MAP4K4: variants seen among roughly 807,000 people sequenced by gnomAD.
MAP4K4 encodes mitogen-activated protein kinase kinase kinase kinase 4.
Under a neutral mutation model 189.6 loss-of-function variants are expected in MAP4K4, and 38 were observed. The ratio of observed to expected loss-of-function variants is 0.20; its 90% CI spans 0.15 to 0.26. The LOEUF is 0.26. MAP4K4 is among the 10% of genes least tolerant of loss of function. The pLI is 1.00. For synonymous variants in MAP4K4, 610 were observed against 624.3 expected, an observed-to-expected ratio of 0.98 and a Z score of 0.34; for missense variants, 1,054 against 1,726.9, an observed-to-expected ratio of 0.61 and a Z score of 6.91.
chr2:101,827,708 G>T (rs1310299394), intron 5 of MAP4K4, among the ~76,000 whole-genome samples: 4 of 152,196 alleles, frequency 2.6e-5, no homozygotes, highest in Non-Finnish European at 5.9e-5. Flanking sequence ...CAGCAGGCCA[G>T]CGTGTTCTTT....
intron 32 of MAP4K4, among the ~76,000 whole-genome samples, chr2:101,889,414 T>G (rs968627864): frequency 2.0e-5 from 3 of 152,202 alleles, no homozygotes; most frequent in African/African-American, 7.2e-5. Flanking sequence ...AATCATCTTA[T>G]GCAGACATAA....
chr2:101,729,179 C>T (rs2057262873), intron 2 of MAP4K4, among the ~76,000 whole-genome samples: 3 of 151,422 alleles, frequency 2.0e-5, no homozygotes, highest in Non-Finnish European at 2.9e-5. Flanking sequence ...AAGGCCTTCC[C>T]TGGAAATCTG....
intron 3 of MAP4K4, among the ~76,000 whole-genome samples, chr2:101,794,798 C>T (rs915451063): frequency 6.6e-6 from 1 of 151,972 alleles, no homozygotes; most frequent in Non-Finnish European, 1.5e-5. Context: ...CTTTACTTTC[C>T]TGCCTCCATT....
chr2:101,772,024 G>C (rs1188262817), intron 2 of MAP4K4, among the ~76,000 whole-genome samples: 1 of 152,194 alleles, frequency 6.6e-6, no homozygotes, highest in East Asian at 1.9e-4. Context: ...GCCTGGCAAG[G>C]CCAGGCCTCT....
intron 2 of MAP4K4, among the ~76,000 whole-genome samples, chr2:101,759,794 C>T (rs1384552817): frequency 9.3e-6 from 1 of 107,998 alleles, no homozygotes; most frequent in Admixed American, 9.8e-5. Context: ...CCTCCCTTCT[C>T]CCTTCCCTTC....
At chr2:101,890,737 G>A (rs1001932406) in intron 32 of MAP4K4, among the ~76,000 whole-genome samples, 2 of 151,894 alleles carry the variant, frequency 1.3e-5, no homozygotes, top group African/African-American at 2.4e-5. Flanking sequence ...TTACAGGCAT[G>A]AGCCACCATG....
rs186346724 is a variant in MAP4K4, at chr2:101,870,982, C to G, written c.2761-512C>G. 4.5e-3 allele frequency among the ~76,000 whole-genome samples: 683 copies of G among 152,280 alleles called. 5 individuals are homozygous for G. The highest frequency in any genetic ancestry group is 0.015 in the African/African-American group (643 of 41,562). ...GATATGCTCAGTTTGGATCACTAAGCTTTATAACTGTCTGTTCATTTCTTA... is the reference window on the plus strand; with the variant it reads ...GATATGCTCAGTTTGGATCACTAAGGTTTATAACTGTCTGTTCATTTCTTA... On this transcript the variant is annotated intron_variant, in intron 23 of 32. Coordinates refer to ENST00000324219, the Ensembl canonical transcript of MAP4K4.
chr2:101,811,586 C>T (rs907170273), intron 3 of MAP4K4, among the ~76,000 whole-genome samples: 3 of 152,060 alleles, frequency 2.0e-5, no homozygotes, highest in African/African-American at 2.4e-5. Flanking sequence ...CTGTGCTCTG[C>T]CTGCCTCTGT....
At chr2:101,707,703 T>G (rs1013455325) in intron 2 of MAP4K4, among the ~76,000 whole-genome samples, 1 of 126,598 alleles carries the variant, frequency 7.9e-6, no homozygotes, top group Non-Finnish European at 1.8e-5. Context: ...GTTTTTTTTT[T>G]TTTTTGAGAC....
At chr2:101,844,834 C>T (rs1487220211) in intron 12 of MAP4K4, among the ~76,000 whole-genome samples, 2 of 151,800 alleles carry the variant, frequency 1.3e-5, no homozygotes, top group African/African-American at 2.4e-5. Flanking sequence ...GGGCTTAATA[C>T]CTAGGTGACG....
chr2:101,842,024 G>A (rs2096934361), intron 10 of MAP4K4, among the ~76,000 whole-genome samples: 1 of 152,138 alleles, frequency 6.6e-6, no homozygotes, highest in South Asian at 2.1e-4. Context: ...GCAAATTTTA[G>A]TCTCATTCTT....
intron 2 of MAP4K4, among the ~76,000 whole-genome samples, chr2:101,764,462 C>A (rs2077745429): frequency 6.6e-6 from 1 of 152,190 alleles, no homozygotes; most frequent in Admixed American, 6.5e-5. Flanking sequence ...CTGCCTACCT[C>A]TTTGAGGTTG....
intron 3 of MAP4K4, among the ~76,000 whole-genome samples, chr2:101,815,961 C>T (rs573810890): frequency 1.3e-5 from 2 of 152,256 alleles, no homozygotes; most frequent in African/African-American, 2.4e-5. Context: ...ATTGCTTGCT[C>T]TCTGTGCAGC....
chr2:101,702,773 G>A (rs2039694436), intron 2 of MAP4K4, among the ~76,000 whole-genome samples: 1 of 152,178 alleles, frequency 6.6e-6, no homozygotes, highest in Non-Finnish European at 1.5e-5. Flanking sequence ...TGTCATTGGA[G>A]GAAGGGTACA....
rs2096691213 is a variant in MAP4K4 at position 101,834,644 on chromosome 2, CTATTCCTTTTGAATATCT to C, written c.694+182_694+199del. Among the ~76,000 whole-genome samples, 4 of 152,324 alleles carry C rather than the reference CTATTCCTTTTGAATATCT, an allele frequency of 2.6e-5. No homozygotes were observed. The South Asian group carries it at 8.3e-4, about 32-fold the overall frequency. On this transcript the variant is annotated intron_variant, in intron 8 of 32. Transcript: ENST00000324219. ...AAGGAATTCTTGGCAACCACTATTA[CTATTCCTTTTGAATATCT>C]CTAGGAGGCCTATAGGCTACATTTT...
intron 2 of MAP4K4, among the ~76,000 whole-genome samples, chr2:101,741,443 C>T (rs1435785655): frequency 1.3e-5 from 2 of 152,110 alleles, no homozygotes; most frequent in African/African-American, 2.4e-5. Flanking sequence ...GCTGGGATTA[C>T]AGGCGTGAAC....
At chr2:101,826,919 C>T (rs2096385887) in intron 5 of MAP4K4, among the ~76,000 whole-genome samples, 1 of 152,056 alleles carries the variant, frequency 6.6e-6, no homozygotes. Flanking sequence ...CCATACACAT[C>T]CCCACCCACG....
At chr2:101,892,436 A>T (rs1197574707) in exon 33 of MAP4K4, 1 of 159,604 alleles carries the variant, frequency 6.3e-6, no homozygotes, top group African/African-American at 2.4e-5. Context: ...TTTTTACCAG[A>T]TTCACCATTA....
chr2:101,735,462 T>G (rs1185337373), intron 2 of MAP4K4, among the ~76,000 whole-genome samples: 1 of 152,182 alleles, frequency 6.6e-6, no homozygotes, highest in Non-Finnish European at 1.5e-5. Context: ...AGGGGCCACC[T>G]GCTTTATTTT....
Sources: gnomAD v4.1 joint callset for allele counts (sites outside exome capture counted in the v4.1 genomes callset) on GRCh38, gnomAD v4.1.1 for gene constraint, MANE v1.5 for transcripts, NCBI Gene and HGNC (gene_info 2026-07-23, HGNC 2026-07-21) for gene names.